The following UBAP2L variants were observed in gnomAD, a reference collection of about 807,000 sequenced individuals.
UBAP2L encodes ubiquitin-associated protein 2-like.
A neutral mutation model predicts 130.6 loss-of-function variants in UBAP2L; 12 were observed. The observed-to-expected ratio is 0.09, with a 90% CI of 0.06 to 0.15. UBAP2L has a LOEUF of 0.15. Ranked by LOEUF, UBAP2L falls within the 10% of genes least tolerant of loss-of-function variation. The pLI is 1.00. For synonymous variants in UBAP2L, 503 were observed against 524.7 expected, an observed-to-expected ratio of 0.96 and a Z score of 0.57; for missense variants, 965 against 1,332.5, an observed-to-expected ratio of 0.72 and a Z score of 4.29.
Position 154,268,781 on chromosome 1 carries a change from C to T in UBAP2L, c.2995C>T (p.His999Tyr), listed in dbSNP as rs1684092403. Reference protein sequence around the residue: ...TQQSFEKQGFHSGTPAASFNL... With the variant: ...TQQSFEKQGFYSGTPAASFNL... ...GCAGTCCTTTGAGAAACAAGGTTTT[C>T]ATTCCGGTACTCCTGCTGCTTCCTT... Residue 999 changes from histidine to tyrosine, a missense_variant, in exon 26 of 27, where the codon CAT (histidine) becomes TAT (tyrosine). Around this residue, in one of 9 missense-constraint regions of UBAP2L, gnomAD observed 194 missense variants for 334.0 expected, o/e 0.58. Transcript: ENST00000428931. The T allele has an allele frequency of 6.2e-7, 1 of 1,614,142 alleles. No homozygotes were observed. Among genetic ancestry groups the T allele is most frequent in the Non-Finnish European group, 8.5e-7 (1 of 1,180,008 alleles).
intron 10 of UBAP2L, among the ~76,000 whole-genome samples, chr1:154,244,236 C>T (rs916208119): frequency 1.3e-5 from 2 of 152,206 alleles, no homozygotes; most frequent in Admixed American, 1.3e-4. Flanking sequence ...AAGTTGAAAG[C>T]TCAGTTCTAC....
chr1:154,220,268 G>A (rs906529324), upstream of UBAP2L: 25 of 1,543,292 alleles, frequency 1.6e-5, no homozygotes, highest in Middle Eastern at 1.7e-4. Flanking sequence ...GAATGCAGAC[G>A]GGGTACAGCT....
At chr1:154,230,419 A>G (rs1669462798) in intron 4 of UBAP2L, among the ~76,000 whole-genome samples, 1 of 152,194 alleles carries the variant, frequency 6.6e-6, no homozygotes, top group South Asian at 2.1e-4. Flanking sequence ...AAAACAATTG[A>G]ATTTAAATTG....
intron 15 of UBAP2L, 191 bp from the exon 16 acceptor site, chr1:154,254,645 T>C: frequency 5.5e-6 from 1 of 182,104 alleles, no homozygotes; most frequent in Non-Finnish European, 8.7e-6. Context: ...ATCTCAGTTT[T>C]GTTGTTTAAT....
chr1:154,259,867 G>T (rs955774925), intron 21 of UBAP2L, 81 bp from the exon 22 acceptor site: 1 of 1,441,324 alleles, frequency 6.9e-7, no homozygotes, highest in Non-Finnish European at 9.8e-7. Context: ...ACATTCTTCT[G>T]TTTTTTCCTC....
chr1:154,259,102 A>T, intron 21 of UBAP2L, 72 bp downstream of exon 21: 2 of 1,337,282 alleles, frequency 1.5e-6, no homozygotes. Flanking sequence ...TATCTCCGTC[A>T]CAGACATAGC....
chr1:154,262,471 T>TAGATG (rs1681887255), intron 24 of UBAP2L, among the ~76,000 whole-genome samples: 1 of 152,154 alleles, frequency 6.6e-6, no homozygotes, highest in African/African-American at 2.4e-5. Context: ...CAGCGACTTG[T>TAGATG]AGATGAATAG....
intron 4 of UBAP2L, among the ~76,000 whole-genome samples, chr1:154,233,254 A>G (rs1048297332): frequency 1.3e-5 from 2 of 150,762 alleles, no homozygotes; most frequent in African/African-American, 4.9e-5. Context: ...ACCTCAGGCA[A>G]TCCACTCTCC....
At position 154,270,190 on chromosome 1, in the gene UBAP2L, T is replaced by G. The variant is rs758297964; in HGVS notation, c.3169-10T>G. 1 of 1,591,120 alleles carries G rather than the reference T, an allele frequency of 6.3e-7. No individual in the cohort carries two copies. The highest frequency in any genetic ancestry group is 1.4e-5 in the African/African-American group (1 of 74,062). ...TTTTTCCTCCTCATGATCCTCCCATTCCCCTGCAGACGGGCAGCGGGCAAC... is the reference window on the plus strand; with the variant it reads ...TTTTTCCTCCTCATGATCCTCCCATGCCCCTGCAGACGGGCAGCGGGCAAC... On this transcript the variant is annotated splice_polypyrimidine_tract_variant and intron_variant, in intron 26 of 26. Coordinates refer to ENST00000428931, the MANE Select transcript of UBAP2L (RefSeq NM_014847.4).
intron 22 of UBAP2L, 47 bp downstream of exon 22, chr1:154,260,076 G>A: frequency 6.3e-7 from 1 of 1,581,968 alleles, no homozygotes; most frequent in South Asian, 1.1e-5. Flanking sequence ...GATAGTGTTG[G>A]GATTGATGGC....
chr1:154,223,613 A>G (rs566626923), intron 1 of UBAP2L, among the ~76,000 whole-genome samples: 1 of 152,196 alleles, frequency 6.6e-6, no homozygotes, highest in African/African-American at 2.4e-5. Context: ...AGCTTGAAAT[A>G]CTTATGGGCT....
chr1:154,225,751 C>G (rs1001352903), intron 2 of UBAP2L, among the ~76,000 whole-genome samples: 12 of 152,140 alleles, frequency 7.9e-5, no homozygotes, highest in Non-Finnish European at 1.6e-4. Flanking sequence ...GATAGCATTT[C>G]CCTTCTCTTA....
intron 9 of UBAP2L, among the ~76,000 whole-genome samples, chr1:154,242,438 T>C (rs975006628): frequency 2.6e-5 from 4 of 152,224 alleles, no homozygotes; most frequent in African/African-American, 9.6e-5. Flanking sequence ...TGAACTAGAC[T>C]GCTTTGTGAA....
At chr1:154,235,888 C>T (rs1355449922) in intron 6 of UBAP2L, among the ~76,000 whole-genome samples, 1 of 152,068 alleles carries the variant, frequency 6.6e-6, no homozygotes, top group African/African-American at 2.4e-5. Context: ...GTGTGAGAGA[C>T]AGCACTTGGC....
At chr1:154,242,982 T>A in intron 9 of UBAP2L, 2 of 330,310 alleles carry the variant, frequency 6.1e-6, no homozygotes, top group Middle Eastern at 1.7e-3. Context: ...ATGCATATGA[T>A]CATGTGACTC....
intron 7 of UBAP2L, 139 bp downstream of exon 7, chr1:154,236,750 C>T (rs987486436): frequency 2.4e-6 from 2 of 835,472 alleles, no homozygotes; most frequent in Non-Finnish European, 3.9e-6. Flanking sequence ...AGGGATAAAC[C>T]TTTACCACCT....
rs36051247 is a variant in UBAP2L at position 154,267,151 on chromosome 1, G to GTT, written c.2970+604_2970+605dup. On this transcript the variant is annotated intron_variant, in intron 25 of 26. Coordinates refer to ENST00000428931, the MANE Select transcript of UBAP2L (RefSeq NM_014847.4). ...TTATTTCTTTTGAAATATCCAACGA[G>GTT]TTTTTTTTTTTTTTTTTTTTTTGAG... 8.2e-3 allele frequency among the ~76,000 whole-genome samples: 893 copies of GTT among 108,578 alleles called. 14 individuals are homozygous for GTT. Among genetic ancestry groups the GTT allele is most frequent in the Non-Finnish European group, 0.012 (630 of 53,012 alleles). 71.2% of individuals were successfully genotyped at this position (108,578 alleles called of 152,430 possible).
At chr1:154,260,482 C>A (rs556360774) in intron 22 of UBAP2L, among the ~76,000 whole-genome samples, 37 of 152,236 alleles carry the variant, frequency 2.4e-4, no homozygotes, top group Non-Finnish European at 3.8e-4. Flanking sequence ...CCTTGCCACT[C>A]CTTCTTTTAC....
intron 6 of UBAP2L, 25 bp from the exon 7 acceptor site, chr1:154,236,541 T>C (rs1434036503): frequency 1.4e-5 from 22 of 1,613,638 alleles, no homozygotes; most frequent in Non-Finnish European, 1.7e-5. Flanking sequence ...ACATCTCTCT[T>C]CTCTTTTTCT....
Sources: gnomAD v4.1 joint callset for allele counts (sites outside exome capture counted in the v4.1 genomes callset) on GRCh38, gnomAD v4.1.1 for gene constraint, gnomAD v4.1.1 regional missense constraint, MANE v1.5 for transcripts, NCBI Gene and HGNC (gene_info 2026-07-23, HGNC 2026-07-21) for gene names.